The following GMDS variants were observed in gnomAD, a reference collection of about 807,000 sequenced individuals.
GMDS encodes GDP-mannose 4,6 dehydratase.
In GMDS, 20 loss-of-function variants were observed where a neutral mutation model predicts 49.9. That is an observed-to-expected ratio of 0.40 (90% CI 0.28 to 0.58). GMDS has a LOEUF of 0.58. GMDS is among the 20% of genes least tolerant of loss of function. The pLI is 0.42. For synonymous variants in GMDS, 177 were observed against 178.6 expected, an observed-to-expected ratio of 0.99 and a Z score of 0.07; for missense variants, 362 against 481.4, an observed-to-expected ratio of 0.75 and a Z score of 2.32.
intron 9 of GMDS, among the ~76,000 whole-genome samples, chr6:1,663,802 C>A (rs532541272): frequency 6.6e-6 from 1 of 152,172 alleles, no homozygotes; most frequent in East Asian, 1.9e-4. Flanking sequence ...ATCAGAGAGG[C>A]CTTCCTTGAT....
intron 4 of GMDS, among the ~76,000 whole-genome samples, chr6:2,012,753 C>A (rs1046973695): frequency 1.3e-5 from 2 of 152,038 alleles, no homozygotes; most frequent in Non-Finnish European, 2.9e-5. Context: ...AATGAATATG[C>A]ACTAGCTTGG....
At chr6:1,895,763 T>C (rs1251347862) in intron 7 of GMDS, among the ~76,000 whole-genome samples, 1 of 152,178 alleles carries the variant, frequency 6.6e-6, no homozygotes, top group Non-Finnish European at 1.5e-5. Flanking sequence ...GTTTTGTACA[T>C]AGTTCTCAGT....
chr6:2,026,094 T>G (rs1768581870), intron 4 of GMDS, among the ~76,000 whole-genome samples: 1 of 152,194 alleles, frequency 6.6e-6, no homozygotes, highest in South Asian at 2.1e-4. Context: ...GGTTTAACTC[T>G]AAGAACAATT....
chr6:1,743,772 T>TAAAA (rs11361365), intron 7 of GMDS, among the ~76,000 whole-genome samples: 1 of 144,906 alleles, frequency 6.9e-6, no homozygotes. Flanking sequence ...GATGAAGATT[T>TAAAA]AAAAAAAAAA....
At chr6:1,982,535 T>C (rs1275884238) in intron 4 of GMDS, among the ~76,000 whole-genome samples, 1 of 152,076 alleles carries the variant, frequency 6.6e-6, no homozygotes, top group Non-Finnish European at 1.5e-5. Flanking sequence ...TTTGGCCAAG[T>C]CTCAGGATCA....
intron 9 of GMDS, among the ~76,000 whole-genome samples, chr6:1,694,887 A>G (rs1019135714): frequency 6.6e-6 from 1 of 152,214 alleles, no homozygotes; most frequent in Non-Finnish European, 1.5e-5. Flanking sequence ...TTTGTGCAGT[A>G]AGACCCAGAG....
intron 1 of GMDS, among the ~76,000 whole-genome samples, chr6:2,226,249 C>T (rs979414506): frequency 1.3e-5 from 2 of 152,114 alleles, no homozygotes. Flanking sequence ...GTAGAAATAA[C>T]ATGAAACCCG....
intron 1 of GMDS, among the ~76,000 whole-genome samples, chr6:2,241,674 C>T (rs1353675209): frequency 6.6e-6 from 1 of 152,222 alleles, no homozygotes; most frequent in African/African-American, 2.4e-5. Context: ...CCACCTCTTG[C>T]TTCCTCTCTC....
intron 4 of GMDS, among the ~76,000 whole-genome samples, chr6:1,984,659 C>T (rs928999167): frequency 6.6e-6 from 1 of 152,180 alleles, no homozygotes; most frequent in Non-Finnish European, 1.5e-5. Context: ...GGCATTTCTA[C>T]AATCCATCCT....
intron 9 of GMDS, among the ~76,000 whole-genome samples, chr6:1,659,415 C>T (rs115676905): frequency 0.02 from 2,996 of 152,106 alleles, 89 homozygotes; most frequent in African/African-American, 0.068. Context: ...ATGGCTGTCT[C>T]GGGAGGGGCC....
chr6:1,650,130 G>A (rs1281445492), intron 9 of GMDS, among the ~76,000 whole-genome samples: 1 of 152,176 alleles, frequency 6.6e-6, no homozygotes, highest in African/African-American at 2.4e-5. Context: ...GCTCTGAGAT[G>A]GCCTCCTTTT....
At chr6:1,816,382 G>A (rs1374966924) in intron 7 of GMDS, among the ~76,000 whole-genome samples, 2 of 152,186 alleles carry the variant, frequency 1.3e-5, no homozygotes, top group Middle Eastern at 3.4e-3. Flanking sequence ...CACATAAAAC[G>A]ACTGATTTAT....
At chr6:2,197,253 G>C (rs1250850614) in intron 1 of GMDS, among the ~76,000 whole-genome samples, 1 of 152,174 alleles carries the variant, frequency 6.6e-6, no homozygotes, top group East Asian at 1.9e-4. Context: ...ACTCATCCAA[G>C]CGACTCAAGG....
chr6:2,244,375 A>G (rs1363741408), intron 1 of GMDS, among the ~76,000 whole-genome samples: 1 of 152,170 alleles, frequency 6.6e-6, no homozygotes, highest in Non-Finnish European at 1.5e-5. Context: ...GATAGACACA[A>G]TATGTATTAG....
At chr6:1,837,299 T>A (rs1050382885) in intron 7 of GMDS, among the ~76,000 whole-genome samples, 8 of 152,040 alleles carry the variant, frequency 5.3e-5, no homozygotes, top group Non-Finnish European at 8.8e-5. Flanking sequence ...GGAGGGAAAG[T>A]TCTTTGCCAA....
chr6:1,627,220 T>C (rs1762872481), intron 9 of GMDS, among the ~76,000 whole-genome samples: 1 of 152,270 alleles, frequency 6.6e-6, no homozygotes, highest in African/African-American at 2.4e-5. Flanking sequence ...TGAAGGAATT[T>C]CTTACTTCTT....
chr6:1,677,206 A>C (rs1764653682), intron 9 of GMDS, among the ~76,000 whole-genome samples: 1 of 152,260 alleles, frequency 6.6e-6, no homozygotes, highest in Admixed American at 6.5e-5. Flanking sequence ...CCATCAGAGA[A>C]ATGCAAATCA....
chr6:2,010,219 C>T (rs1339233991), intron 4 of GMDS, among the ~76,000 whole-genome samples: 4 of 150,730 alleles, frequency 2.7e-5, no homozygotes, highest in Non-Finnish European at 5.9e-5. Context: ...CCCAGCTACT[C>T]GGGAGGATGA....
intron 4 of GMDS, among the ~76,000 whole-genome samples, chr6:2,041,993 G>A (rs751972243): frequency 2.6e-5 from 4 of 152,136 alleles, no homozygotes; most frequent in Non-Finnish European, 5.9e-5. Context: ...CAAGGAAATC[G>A]CTTTAATGGA....
Sources: allele counts gnomAD v4.1 joint callset (sites outside exome capture counted in the v4.1 genomes callset), GRCh38; gene constraint gnomAD v4.1.1; transcripts MANE v1.5; gene names NCBI Gene and HGNC (gene_info 2026-07-23, HGNC 2026-07-21).